Variants in DGKB observed in about 807,000 individuals in gnomAD.
The protein encoded by DGKB is diacylglycerol kinase beta, also known as 90 kDa diacylglycerol kinase.
In DGKB, 67 loss-of-function variants were observed where a neutral mutation model predicts 114.3. The ratio of observed to expected loss-of-function variants is 0.59; its 90% CI spans 0.48 to 0.72. DGKB has a LOEUF of 0.72. DGKB is among the 30% of genes least tolerant of loss of function. The pLI is 0.00. For missense variants in DGKB, 907 were observed against 975.2 expected (o/e 0.93, Z 0.93); for synonymous variants, 398 against 323.1 (o/e 1.23, Z -2.49).
intron 2 of DGKB, among the ~76,000 whole-genome samples, chr7:14,804,247 G>C (rs11766458): frequency 0.06 from 9,166 of 151,618 alleles, 386 homozygotes; most frequent in South Asian, 0.091. Flanking sequence ...TTTTTCCATT[G>C]TCTTCTGATG....
Position 14,921,644 on chromosome 7 carries a change from T to C in DGKB, c.-188+53052A>G, listed in dbSNP as rs1328074170. Among the ~76,000 whole-genome samples, 3 of 152,164 alleles carry C rather than the reference T, an allele frequency of 2.0e-5. No homozygotes were observed. The East Asian group carries it at 5.8e-4, about 29-fold the overall frequency. ...AGGCCAAGGATTCTGTTAACCATCC[T>C]ATAATACACAGGAAAGCTCCTCAAA... On this transcript the variant is annotated intron_variant, in intron 1 of 4. Coordinates refer to the DGKB transcript ENST00000437998.
chr7:14,806,366 G>T (rs573021643), intron 2 of DGKB, among the ~76,000 whole-genome samples: 1 of 151,776 alleles, frequency 6.6e-6, no homozygotes, highest in Non-Finnish European at 1.5e-5. Flanking sequence ...CAATAAAATT[G>T]GTAAAAATAA....
chr7:14,445,461 G>GTTTCTT (rs1194280210), intron 21 of DGKB, among the ~76,000 whole-genome samples: 1 of 151,880 alleles, frequency 6.6e-6, no homozygotes, highest in Non-Finnish European at 1.5e-5. Flanking sequence ...TGTCAGCCAT[G>GTTTCTT]TTTCTTTTTA....
At chr7:14,202,129 A>G (rs2128290571) in intron 23 of DGKB, among the ~76,000 whole-genome samples, 1 of 152,160 alleles carries the variant, frequency 6.6e-6, no homozygotes, top group South Asian at 2.1e-4. Flanking sequence ...TGCTTCTTAT[A>G]TTTATCTAGC....
intron 1 of DGKB, among the ~76,000 whole-genome samples, chr7:14,936,802 G>C: frequency 6.6e-6 from 1 of 152,030 alleles, no homozygotes; most frequent in Non-Finnish European, 1.5e-5. Context: ...AATAAAACTT[G>C]CCTTTCTAGG....
chr7:14,637,375 C>A (rs1056753810), intron 13 of DGKB, among the ~76,000 whole-genome samples: 1 of 151,672 alleles, frequency 6.6e-6, no homozygotes, highest in African/African-American at 2.4e-5. Context: ...AGACATGCAC[C>A]ACTTTGTAAT....
At chr7:14,723,201 T>A (rs1162863818) in intron 5 of DGKB, among the ~76,000 whole-genome samples, 1 of 152,138 alleles carries the variant, frequency 6.6e-6, no homozygotes, top group Non-Finnish European at 1.5e-5. Context: ...GTTGCAAGCC[T>A]GACTTCTTGA....
chr7:14,772,040 G>A (rs141703156), intron 2 of DGKB, among the ~76,000 whole-genome samples: 395 of 152,140 alleles, frequency 2.6e-3, no homozygotes, highest in African/African-American at 8.9e-3. Context: ...AATTTACCTA[G>A]AGCCTAGAAG....
chr7:14,857,051 G>A (rs1250022824), intron 1 of DGKB, among the ~76,000 whole-genome samples: 1 of 152,114 alleles, frequency 6.6e-6, no homozygotes, highest in African/African-American at 2.4e-5. Context: ...GACATTATAT[G>A]TCCAACCTCA....
At chr7:14,473,588 TGATA>T (rs1781737225) in intron 21 of DGKB, among the ~76,000 whole-genome samples, 1 of 152,102 alleles carries the variant, frequency 6.6e-6, no homozygotes, top group South Asian at 2.1e-4. Flanking sequence ...GACCCCAGAA[TGATA>T]GATCCACCGA....
chr7:14,327,618 A>C (rs1808975137), intron 23 of DGKB, among the ~76,000 whole-genome samples: 1 of 152,110 alleles, frequency 6.6e-6, no homozygotes. Flanking sequence ...AATTTGATAC[A>C]ATTACTGTCT....
rs78100837 is a variant in DGKB at position 14,717,491 on chromosome 7, T to A, written c.466+1051A>T. Among the ~76,000 whole-genome samples the A allele has an allele frequency of 2.9e-3, 446 of 152,180 alleles. 1 individual carries two copies. Among genetic ancestry groups the A allele is most frequent in the African/African-American group, 0.01 (422 of 41,522 alleles). The stretch of plus-strand genomic sequence containing the variant: ...GCAAATATTGAACATTTATGAATAA[T>A]AAATATATATTTAAAGATGATATTC... On this transcript the variant is annotated intron_variant, in intron 6 of 25. Coordinates refer to ENST00000402815, the MANE Select transcript of DGKB (RefSeq NM_001350709.2).
At chr7:14,471,081 G>C (rs1428318647) in intron 21 of DGKB, among the ~76,000 whole-genome samples, 4 of 150,240 alleles carry the variant, frequency 2.7e-5, no homozygotes, top group Non-Finnish European at 6.0e-5. Context: ...TCTAGTCTGT[G>C]GGCTTTTCTT....
intron 5 of DGKB, among the ~76,000 whole-genome samples, chr7:14,732,867 T>C (rs1831124886): frequency 6.6e-6 from 1 of 152,226 alleles, no homozygotes; most frequent in African/African-American, 2.4e-5. Flanking sequence ...AGGTTTGAAT[T>C]TCTTACAAAA....
At chr7:14,714,300 T>C (rs868173166) in intron 6 of DGKB, among the ~76,000 whole-genome samples, 1 of 151,984 alleles carries the variant, frequency 6.6e-6, no homozygotes, top group Non-Finnish European at 1.5e-5. Flanking sequence ...AAGTTCAGGG[T>C]TTGTCTGATG....
At chr7:14,278,148 A>C (rs751074812) in intron 23 of DGKB, among the ~76,000 whole-genome samples, 6 of 151,448 alleles carry the variant, frequency 4.0e-5, no homozygotes, top group Non-Finnish European at 8.8e-5. Context: ...AACACTCTTT[A>C]AATTCTCATG....
At chr7:14,312,387 G>A (rs1387448274) in intron 23 of DGKB, among the ~76,000 whole-genome samples, 1 of 152,178 alleles carries the variant, frequency 6.6e-6, no homozygotes, top group African/African-American at 2.4e-5. Flanking sequence ...GCAAAACAAT[G>A]TTGTATAAAA....
intron 23 of DGKB, among the ~76,000 whole-genome samples, chr7:14,188,692 C>G (rs1041421711): frequency 6.1e-5 from 9 of 147,276 alleles, no homozygotes; most frequent in African/African-American, 2.3e-4. Flanking sequence ...AAAAGATCCC[C>G]AATTACATTC....
At chr7:14,431,299 C>G (rs1828415186) in intron 21 of DGKB, among the ~76,000 whole-genome samples, 1 of 152,108 alleles carries the variant, frequency 6.6e-6, no homozygotes, top group Admixed American at 6.6e-5. Flanking sequence ...TTAAACCTCA[C>G]ATTTTTATCT....
Sources: gnomAD v4.1 joint callset for allele counts (sites outside exome capture counted in the v4.1 genomes callset) on GRCh38, gnomAD v4.1.1 for gene constraint, MANE v1.5 for transcripts, NCBI Gene and HGNC (gene_info 2026-07-23, HGNC 2026-07-21) for gene names.